ZNF385B: variants seen among roughly 807,000 people sequenced by gnomAD.
The protein encoded by ZNF385B is zinc finger protein 385B, also known as zinc finger protein 533.
A neutral mutation model predicts 39.2 loss-of-function variants in ZNF385B; 23 were observed. The observed-to-expected ratio is 0.59, with a 90% CI of 0.42 to 0.83. The LOEUF (loss-of-function observed/expected upper bound fraction) is 0.83. ZNF385B is among the 40% of genes least tolerant of loss of function. The pLI, the probability that ZNF385B is intolerant of heterozygous loss-of-function variation, is 0.00. For missense variants in ZNF385B, 552 were observed against 598.9 expected (o/e 0.92, Z 0.82); for synonymous variants, 205 against 222.6 (o/e 0.92, Z 0.70).
intron 3 of ZNF385B, among the ~76,000 whole-genome samples, chr2:179,686,499 C>A (rs1003139832): frequency 3.3e-5 from 5 of 152,194 alleles, no homozygotes; most frequent in Non-Finnish European, 5.9e-5. Flanking sequence ...GATCTGGGTT[C>A]TACCATGTGC....
chr2:179,797,864 T>A (rs773913618), intron 1 of ZNF385B, among the ~76,000 whole-genome samples: 4 of 152,162 alleles, frequency 2.6e-5, no homozygotes, highest in Non-Finnish European at 5.9e-5. Context: ...ATTACCTCAA[T>A]CTGTTATTGT....
chr2:179,665,200 A>G (rs3112970), intron 3 of ZNF385B, among the ~76,000 whole-genome samples: 32,533 of 152,144 alleles, frequency 0.21, 3,586 homozygotes, highest in Admixed American at 0.26. Flanking sequence ...ATGTATAGTA[A>G]GTGGTGTGAA....
chr2:179,688,743 T>A (rs541781656), intron 3 of ZNF385B, among the ~76,000 whole-genome samples: 1 of 152,316 alleles, frequency 6.6e-6, no homozygotes, highest in East Asian at 1.9e-4. Context: ...ATAGTTACCA[T>A]GTTGTACAAT....
intron 1 of ZNF385B, among the ~76,000 whole-genome samples, chr2:179,833,554 G>A (rs548790656): frequency 1.0e-3 from 152 of 152,220 alleles, no homozygotes; most frequent in South Asian, 4.3e-3. Context: ...CCCTTATGCC[G>A]TTTGATAAAG....
intron 3 of ZNF385B, among the ~76,000 whole-genome samples, chr2:179,675,342 G>A (rs904642823): frequency 2.0e-5 from 3 of 152,196 alleles, no homozygotes; most frequent in African/African-American, 7.2e-5. Flanking sequence ...TGCTGTCTCA[G>A]GCTGGCAGAG....
chr2:179,851,848 T>C (rs1424100867), intron 1 of ZNF385B, among the ~76,000 whole-genome samples: 1 of 152,246 alleles, frequency 6.6e-6, no homozygotes, highest in Non-Finnish European at 1.5e-5. Context: ...TAATTCTTAA[T>C]AATTTCTTAA....
intron 6 of ZNF385B, among the ~76,000 whole-genome samples, chr2:179,470,120 A>G (rs1022385564): frequency 1.3e-5 from 2 of 151,786 alleles, no homozygotes; most frequent in Non-Finnish European, 2.9e-5. Context: ...CTTTTCTCTC[A>G]CTTTCTCTCC....
At chr2:179,788,336 C>G (rs374175514) in intron 1 of ZNF385B, among the ~76,000 whole-genome samples, 1 of 152,128 alleles carries the variant, frequency 6.6e-6, no homozygotes, top group Non-Finnish European at 1.5e-5. Context: ...TGCAGTTACC[C>G]TATTACAAGC....
intron 3 of ZNF385B, among the ~76,000 whole-genome samples, chr2:179,594,723 C>T (rs1687850564): frequency 6.6e-6 from 1 of 152,032 alleles, no homozygotes; most frequent in Admixed American, 6.6e-5. Context: ...GTAAGTAGGA[C>T]TCTCCTCTCA....
At chr2:179,816,545 T>C (rs1025419741) in intron 1 of ZNF385B, among the ~76,000 whole-genome samples, 1 of 152,186 alleles carries the variant, frequency 6.6e-6, no homozygotes, top group Non-Finnish European at 1.5e-5. Context: ...CCTACCTGAT[T>C]AGGCTTCCTG....
intron 1 of ZNF385B, among the ~76,000 whole-genome samples, chr2:179,849,442 G>A (rs571270609): frequency 6.6e-6 from 1 of 152,302 alleles, no homozygotes; most frequent in East Asian, 1.9e-4. Context: ...TCTATTTGGG[G>A]AGATGAAGGA....
intron 3 of ZNF385B, among the ~76,000 whole-genome samples, chr2:179,709,664 C>T (rs143540845): frequency 1.5e-3 from 225 of 152,274 alleles, no homozygotes; most frequent in African/African-American, 5.3e-3. Flanking sequence ...GAACTGGGGC[C>T]TGCTACTACT....
chr2:179,769,386 T>C (rs1364415420), intron 3 of ZNF385B, 117 bp downstream of exon 3: 1 of 1,452,584 alleles, frequency 6.9e-7, no homozygotes, highest in Non-Finnish European at 9.2e-7. Context: ...AAAGAGTACA[T>C]GTTATCATGG....
intron 1 of ZNF385B, among the ~76,000 whole-genome samples, chr2:179,795,389 G>C (rs1705596372): frequency 6.6e-6 from 1 of 152,148 alleles, no homozygotes; most frequent in Non-Finnish European, 1.5e-5. Flanking sequence ...GGCAAAAAGA[G>C]AGTAGAGGTA....
rs192788041 is a variant in ZNF385B, at chr2:179,652,526, C to A, written c.299-107557G>T. Among the ~76,000 whole-genome samples, 12 of 152,198 alleles carry A rather than the reference C, an allele frequency of 7.9e-5. No individual in the cohort carries two copies. The East Asian group carries it at 2.3e-3, about 29-fold the overall frequency. On this transcript the variant is annotated intron_variant, in intron 3 of 9. Transcript: ENST00000410066. ...TGAGTCTTTAAACTGCTCGTCTGAG[C>A]AGCCAGGAAATTGGGTGTTATGGTT...
chr2:179,822,608 C>T (rs1707465362), intron 1 of ZNF385B, among the ~76,000 whole-genome samples: 1 of 152,122 alleles, frequency 6.6e-6, no homozygotes, highest in East Asian at 1.9e-4. Context: ...AACCTAAAGA[C>T]CCTCCCTAGA....
intron 1 of ZNF385B, among the ~76,000 whole-genome samples, chr2:179,775,855 T>C (rs557952798): frequency 4.6e-5 from 7 of 152,374 alleles, no homozygotes; most frequent in African/African-American, 1.7e-4. Context: ...GTCTTCACTG[T>C]GACACAGCTG....
Position 179,544,890 on chromosome 2 carries a change from T to A in ZNF385B, c.378A>T (p.Lys126Asn). 6.2e-7 allele frequency: 1 copy of A among 1,614,078 alleles called. No individual in the cohort carries two copies. Among genetic ancestry groups the A allele is most frequent in the Non-Finnish European group, 8.5e-7 (1 of 1,179,970 alleles). ...TLMMQPSLDI[K>N]PFMSFPVDSS... The stretch of plus-strand genomic sequence containing the variant: ...TGTCCACTGGAAAAGACATAAATGG[T>A]TTGATATCCAGTGAAGGCTGCATCA... The change falls in exon 4 of 10, where the codon AAA (lysine) becomes AAT (asparagine). Residue 126 changes from lysine to asparagine, a missense_variant. By Grantham distance (94) the Lys-to-Asn change is moderately conservative (BLOSUM62 0). Transcript: ENST00000410066.
intron 4 of ZNF385B, among the ~76,000 whole-genome samples, chr2:179,539,377 G>A (rs1186719480): frequency 6.6e-6 from 1 of 152,152 alleles, no homozygotes; most frequent in African/African-American, 2.4e-5. Flanking sequence ...CTATCAAATT[G>A]GGGGTTATGA....
Sources: gnomAD v4.1 joint callset for allele counts (sites outside exome capture counted in the v4.1 genomes callset) on GRCh38, gnomAD v4.1.1 for gene constraint, MANE v1.5 for transcripts, NCBI Gene and HGNC (gene_info 2026-07-23, HGNC 2026-07-21) for gene names.